NADK2: variants seen among roughly 807,000 people sequenced by gnomAD.
The protein encoded by NADK2 is NAD kinase domain-containing protein 1, mitochondrial.
Under a neutral mutation model 62.1 loss-of-function variants are expected in NADK2, and 35 were observed. The ratio of observed to expected loss-of-function variants is 0.56; its 90% CI spans 0.43 to 0.75. NADK2 has a LOEUF of 0.75. NADK2 is among the 30% of genes least tolerant of loss of function. The pLI is 0.00. For synonymous variants in NADK2, 205 were observed against 207.9 expected, an observed-to-expected ratio of 0.99 and a Z score of 0.12; for missense variants, 439 against 561.3, an observed-to-expected ratio of 0.78 and a Z score of 2.20.
Position 36,225,602 on chromosome 5 carries a change from G to A in NADK2, c.500C>T (p.Ala167Val). ...AAGTCTGTCCAAGACTTTACTCGCTGCCAGCAGCATTGTGCCATCACCTAA... is the reference window on the plus strand; with the variant it reads ...AAGTCTGTCCAAGACTTTACTCGCTACCAGCAGCATTGTGCCATCACCTAA... Reference protein sequence around the residue: ...AAGGDGTMLLAASKVLDRLKP... With the variant: ...AAGGDGTMLLVASKVLDRLKP... Residue 167 changes from alanine to valine, a missense_variant, in exon 4 of 12, where the codon GCA (alanine) becomes GTA (valine). Transcript: ENST00000381937. The A allele has an allele frequency of 6.2e-7, 1 of 1,613,918 alleles. No homozygotes were observed. Among genetic ancestry groups the A allele is most frequent in the Non-Finnish European group, 8.5e-7 (1 of 1,179,882 alleles).
chr5:36,207,945 C>T lies in NADK2; in HGVS notation c.861-680G>A, dbSNP rs139435663. Among the ~76,000 whole-genome samples, 36 of 152,160 alleles carry T rather than the reference C, an allele frequency of 2.4e-4. No individual in the cohort carries two copies. The East Asian group carries it at 7.0e-3, about 29-fold the overall frequency. ...GCAAAAATGGCACTATTCTTTAACT[C>T]CATGAACACATAAATGATTTGTAAC... On this transcript the variant is annotated intron_variant, in intron 7 of 11. Transcript: ENST00000381937.
At chr5:36,210,538 G>A (rs899802011) in intron 7 of NADK2, among the ~76,000 whole-genome samples, 5 of 151,954 alleles carry the variant, frequency 3.3e-5, no homozygotes, top group South Asian at 4.1e-4. Flanking sequence ...TGCCTAGTCC[G>A]AATCTAACAT....
At chr5:36,199,257 A>G (rs972070510) in intron 10 of NADK2, among the ~76,000 whole-genome samples, 8 of 152,080 alleles carry the variant, frequency 5.3e-5, no homozygotes, top group South Asian at 2.1e-4. Context: ...AAGGTAACCA[A>G]TGAGAATGAG....
chr5:36,221,240 A>G (rs1309537833), intron 4 of NADK2: 1 of 152,198 alleles, frequency 6.6e-6, no homozygotes, highest in Non-Finnish European at 1.5e-5. Flanking sequence ...GAAATTACAC[A>G]TTTGATTTAG....
intron 1 of NADK2, among the ~76,000 whole-genome samples, chr5:36,240,806 T>C (rs565752851): frequency 6.6e-6 from 1 of 152,324 alleles, no homozygotes; most frequent in East Asian, 1.9e-4. Flanking sequence ...TACCAGCCCC[T>C]TGTCCTGACA....
Position 36,226,539 on chromosome 5 carries a change from T to C in NADK2, c.414A>G (p.Leu138=), listed in dbSNP as rs746767819. 1.2e-6 allele frequency: 2 copies of C among 1,612,768 alleles called. No homozygotes were observed. The highest frequency in any genetic ancestry group is 1.3e-5 in the African/African-American group (1 of 75,012). The change falls in exon 3 of 12, where the codon CTA becomes CTG. Residue 138 remains leucine (L), a synonymous_variant. Coordinates refer to ENST00000381937, the MANE Select transcript of NADK2 (RefSeq NM_001085411.3). ...CTTCATCATATTCTCTCCTCTTTAC[T>C]AGACGAACCTCAATTCCCTCATTCC... is the stretch of plus-strand genomic sequence containing the variant. The part of the protein sequence containing the change: ...SLRNEGIEVR[L]VKRREYDEET...
chr5:36,233,113 T>C (rs1412540934), intron 1 of NADK2, among the ~76,000 whole-genome samples: 1 of 152,072 alleles, frequency 6.6e-6, no homozygotes, highest in African/African-American at 2.4e-5. Context: ...TGTGAAGTGT[T>C]TTGACAATCT....
rs895483674 is a variant in NADK2, at chr5:36,201,044, G to A, written c.1012+62C>T. 10 of 1,406,084 alleles carry A rather than the reference G, an allele frequency of 7.1e-6. No homozygotes were observed. The East Asian group carries it at 1.6e-4, about 22-fold the overall frequency. The allele number at this position is 1,406,084 out of a possible 1,614,324, so 87.1% of individuals were successfully genotyped here. ...TCCAAGGTTTCAGCATTCACTGGGG[G>A]TTCTGGAACTTGTCCCCTGCGGATA... On this transcript the variant is annotated intron_variant, in intron 9 of 11. Transcript: ENST00000381937.
chr5:36,223,835 C>T (rs940760042), intron 4 of NADK2, among the ~76,000 whole-genome samples: 3 of 151,950 alleles, frequency 2.0e-5, no homozygotes, highest in African/African-American at 4.8e-5. Context: ...GAGAGTGACA[C>T]AGGGTAAAGG....
chr5:36,214,083 AT>A (rs1407731729), intron 6 of NADK2, among the ~76,000 whole-genome samples: 4 of 152,146 alleles, frequency 2.6e-5, no homozygotes, highest in African/African-American at 9.7e-5. Flanking sequence ...AATTCTGCTT[AT>A]TTTTTCATAC....
Position 36,217,746 on chromosome 5 carries a change from A to T in NADK2, c.781+2T>A. 5 of 1,613,686 alleles carry T rather than the reference A, an allele frequency of 3.1e-6. No homozygotes were observed. The highest frequency in any genetic ancestry group is 4.2e-6 in the Non-Finnish European group (5 of 1,179,762). The stretch of plus-strand genomic sequence containing the variant: ...AACACATCTGATGCCCAATCCACCT[A>T]CTTTCATCATGAGCTCTTTCAATGT... On this transcript the variant is annotated splice_donor_variant, in intron 6 of 11. Coordinates refer to ENST00000381937, the MANE Select transcript of NADK2 (RefSeq NM_001085411.3). LOFTEE classifies it high-confidence loss of function.
At chr5:36,225,309 G>A (rs1341420412) in intron 4 of NADK2, among the ~76,000 whole-genome samples, 1 of 152,032 alleles carries the variant, frequency 6.6e-6, no homozygotes, top group Non-Finnish European at 1.5e-5. Flanking sequence ...GTTCATGGTG[G>A]CCAGGAACAA....
chr5:36,239,412 G>A (rs534069988), intron 1 of NADK2, among the ~76,000 whole-genome samples: 11 of 152,210 alleles, frequency 7.2e-5, no homozygotes, highest in African/African-American at 2.4e-4. Flanking sequence ...CAATAAAACT[G>A]TAATGACAAC....
At chr5:36,218,672 T>C (rs1440890018) in intron 5 of NADK2, among the ~76,000 whole-genome samples, 3 of 152,318 alleles carry the variant, frequency 2.0e-5, no homozygotes, top group Admixed American at 2.0e-4. Context: ...AAATAAAAAG[T>C]AGTCCAACTT....
intron 4 of NADK2, chr5:36,221,974 C>A (rs568993377): frequency 6.6e-6 from 1 of 152,238 alleles, no homozygotes; most frequent in African/African-American, 2.4e-5. Context: ...TCCCTAAAAT[C>A]ACTGAATCAA....
At chr5:36,239,404 A>G (rs1748025826) in intron 1 of NADK2, among the ~76,000 whole-genome samples, 1 of 152,180 alleles carries the variant, frequency 6.6e-6, no homozygotes, top group Admixed American at 6.5e-5. Context: ...AACTTATCCA[A>G]TAAAACTGTA....
rs1746138624 is a variant in NADK2 at position 36,194,185 on chromosome 5, G to A, written c.*959C>T. ...CTATTCTGTAAATCTTGGAATATAA[G>A]CTAGGTGAAAACCACAATACTAAGG... On this transcript the variant is annotated 3_prime_UTR_variant, in exon 12 of 12. Transcript: ENST00000381937. 6.6e-6 allele frequency: 1 copy of A among 151,428 alleles called. No individual in the cohort carries two copies. The highest frequency in any genetic ancestry group is 2.4e-5 in the African/African-American group (1 of 41,248). The allele number at this position is 151,428 out of a possible 1,614,324, so 9.4% of individuals were successfully genotyped here.
At position 36,195,220 on chromosome 5, in the gene NADK2, T is replaced by C; in HGVS notation, c.1253A>G (p.Glu418Gly). ...CMVVDGGTSF[E>G]FNDGAIASMM... ...CGAAGCAATTGCACCATCATTAAAC[T>C]CAAAAGAAGTTCCTCCATCCACAAC... Residue 418 changes from glutamate (E) to glycine (G), a missense_variant, in exon 12 of 12, where the codon GAG (glutamate) becomes GGG (glycine). By Grantham distance (98) the Glu-to-Gly change is moderately conservative. Coordinates refer to ENST00000381937, the MANE Select transcript of NADK2 (RefSeq NM_001085411.3). The C allele has an allele frequency of 6.2e-7, 1 of 1,613,560 alleles. No homozygotes were observed. Among genetic ancestry groups the C allele is most frequent in the Non-Finnish European group, 8.5e-7 (1 of 1,179,742 alleles).
chr5:36,215,159 C>T (rs1374957449), intron 6 of NADK2, among the ~76,000 whole-genome samples: 1 of 152,172 alleles, frequency 6.6e-6, no homozygotes, highest in Non-Finnish European at 1.5e-5. Flanking sequence ...GTCATCTCCT[C>T]CTCCTCTCTG....
Sources: allele counts gnomAD v4.1 joint callset (sites outside exome capture counted in the v4.1 genomes callset), GRCh38; gene constraint gnomAD v4.1.1; transcripts MANE v1.5; gene names NCBI Gene and HGNC (gene_info 2026-07-23, HGNC 2026-07-21).